FGF2: variants seen among roughly 807,000 people sequenced by gnomAD.
The protein encoded by FGF2 is fibroblast growth factor 2, also known as basic fibroblast growth factor bFGF.
Under a neutral mutation model 15.9 loss-of-function variants are expected in FGF2, and 13 were observed. The observed-to-expected ratio is 0.82, with a 90% CI of 0.53 to 1.30. The LOEUF (loss-of-function observed/expected upper bound fraction) is 1.30. Ranked by LOEUF, FGF2 falls within the 50% of genes most tolerant of loss-of-function variation. The pLI is 0.00. For synonymous variants in FGF2, 90 were observed against 78.4 expected (o/e 1.15, Z -0.78); for missense variants, 163 against 196.9 (o/e 0.83, Z 1.03).
At chr4:122,832,203 G>C (rs1372279789) in intron 1 of FGF2, among the ~76,000 whole-genome samples, 1 of 152,182 alleles carries the variant, frequency 6.6e-6, no homozygotes, top group Non-Finnish European at 1.5e-5. Flanking sequence ...TGGGATAAAA[G>C]TCTATGACCA....
intron 1 of FGF2, among the ~76,000 whole-genome samples, chr4:122,875,988 G>T (rs1726837721): frequency 6.6e-6 from 1 of 152,158 alleles, no homozygotes; most frequent in Admixed American, 6.5e-5. Context: ...GTTAACAGGG[G>T]CGATTGAAAG....
In FGF2 at chr4:122,891,021, C is replaced by CTTTTTTTTTT. The variant is rs769084285; in HGVS notation, c.283-1185_283-1176dup. Among the ~76,000 whole-genome samples the CTTTTTTTTTT allele has an allele frequency of 7.5e-3, 704 of 94,464 alleles. 1 individual carries two copies. The highest frequency in any genetic ancestry group is 0.021 in the East Asian group (46 of 2,232). The allele number at this position is 94,464 out of a possible 152,430, so 62.0% of individuals were successfully genotyped here. A position where few individuals can be genotyped will look rare whatever the true frequency, so the allele number is the denominator to read the frequency against. On this transcript the variant is annotated intron_variant, in intron 2 of 2. Coordinates refer to ENST00000644866, the MANE Select transcript of FGF2 (RefSeq NM_001361665.2). ...TGAAGTTGCTTTTTGAACAATTTAT[C>CTTTTTTTTTT]TTTTTTTTTTTTTTGTTTTGTTTTG...
intron 2 of FGF2, chr4:122,882,294 AAAGT>A (rs1359825176): frequency 6.6e-6 from 1 of 152,224 alleles, no homozygotes; most frequent in African/African-American, 2.4e-5. Context: ...ATTGTTGTTA[AAAGT>A]GATGAAAACA....
At chr4:122,879,043 G>T (rs1273221570) in intron 2 of FGF2, among the ~76,000 whole-genome samples, 1 of 152,202 alleles carries the variant, frequency 6.6e-6, no homozygotes. Context: ...AGATAGATTT[G>T]GGTATGATCA....
At chr4:122,871,233 T>A (rs542792192) in intron 1 of FGF2, among the ~76,000 whole-genome samples, 1 of 152,324 alleles carries the variant, frequency 6.6e-6, no homozygotes, top group East Asian at 1.9e-4. Context: ...AGTGTTTTAC[T>A]TCCAAATACG....
chr4:122,828,276 C>G (rs1198225840), intron 1 of FGF2, among the ~76,000 whole-genome samples: 1 of 152,110 alleles, frequency 6.6e-6, no homozygotes, highest in Admixed American at 6.5e-5. Context: ...CTGATCACAT[C>G]ACACTTTGAG....
intron 2 of FGF2, chr4:122,884,548 A>G (rs1360235553): frequency 6.6e-6 from 1 of 152,208 alleles, no homozygotes; most frequent in Non-Finnish European, 1.5e-5. Context: ...CACTATTTGG[A>G]TGTTTCTTTT....
At chr4:122,843,503 C>T (rs531248823) in intron 1 of FGF2, among the ~76,000 whole-genome samples, 3 of 152,100 alleles carry the variant, frequency 2.0e-5, no homozygotes, top group South Asian at 2.1e-4. Context: ...ATCACTCTGG[C>T]GGGTGTGTGT....
At chr4:122,838,279 T>G (rs1290181177) in intron 1 of FGF2, among the ~76,000 whole-genome samples, 1 of 152,220 alleles carries the variant, frequency 6.6e-6, no homozygotes, top group Non-Finnish European at 1.5e-5. Context: ...CCCTTTGCTC[T>G]GTGGTAGAGG....
At chr4:122,851,173 G>A (rs1458195301) in intron 1 of FGF2, among the ~76,000 whole-genome samples, 1 of 152,158 alleles carries the variant, frequency 6.6e-6, no homozygotes, top group Non-Finnish European at 1.5e-5. Flanking sequence ...CTTCAAAGGG[G>A]CAGTGTGGTT....
At chr4:122,853,371 A>T (rs1726274467) in intron 1 of FGF2, among the ~76,000 whole-genome samples, 1 of 152,210 alleles carries the variant, frequency 6.6e-6, no homozygotes, top group Non-Finnish European at 1.5e-5. Context: ...CCAGAATCAG[A>T]GTGTGATGAG....
chr4:122,828,719 T>C (rs1725700540), intron 1 of FGF2, among the ~76,000 whole-genome samples: 1 of 152,258 alleles, frequency 6.6e-6, no homozygotes, highest in Non-Finnish European at 1.5e-5. Context: ...ATTTAATTTT[T>C]TTCAGGCTTG....
chr4:122,831,829 T>A (rs1578447583), intron 1 of FGF2, among the ~76,000 whole-genome samples: 1 of 152,240 alleles, frequency 6.6e-6, no homozygotes, highest in African/African-American at 2.4e-5. Flanking sequence ...TTAAGTATTC[T>A]CATTTTGATT....
chr4:122,897,434 A>C lies in FGF2; in HGVS notation c.*5038A>C. Reference sequence around the variant, plus strand: ...GTTCCTAATGATATTATTTCTACTAATGGAATAAACTGTAATATTAGAAAT... The same window carrying C: ...GTTCCTAATGATATTATTTCTACTACTGGAATAAACTGTAATATTAGAAAT... On this transcript the variant is annotated 3_prime_UTR_variant, in exon 3 of 3. Transcript: ENST00000644866. The C allele has an allele frequency of 1.7e-6, 1 of 603,516 alleles. No homozygotes were observed. Among genetic ancestry groups the C allele is most frequent in the South Asian group, 2.0e-5 (1 of 48,930 alleles). 37.4% of individuals were successfully genotyped at this position (603,516 alleles called of 1,614,324 possible). A position where few individuals can be genotyped will look rare whatever the true frequency, so the allele number is the denominator to read the frequency against.
intron 1 of FGF2, among the ~76,000 whole-genome samples, chr4:122,835,641 T>C (rs1424233123): frequency 6.6e-6 from 1 of 152,174 alleles, no homozygotes; most frequent in Non-Finnish European, 1.5e-5. Flanking sequence ...TGCCTTTCTC[T>C]ACTTCTTTCG....
chr4:122,890,837 T>A (rs1391379511), intron 2 of FGF2, among the ~76,000 whole-genome samples: 1 of 152,124 alleles, frequency 6.6e-6, no homozygotes, highest in Non-Finnish European at 1.5e-5. Flanking sequence ...CATCTTATAT[T>A]TATGTGTTTA....
intron 2 of FGF2, among the ~76,000 whole-genome samples, chr4:122,878,293 A>G (rs1344442907): frequency 1.3e-5 from 2 of 152,234 alleles, no homozygotes; most frequent in African/African-American, 4.8e-5. Flanking sequence ...GAGATGACCT[A>G]TAAGTAGAAT....
In FGF2 at chr4:122,895,036, C is replaced by G. The variant is rs1727307823; in HGVS notation, c.*2640C>G. The G allele has an allele frequency of 6.6e-6, 1 of 152,188 alleles. No homozygotes were observed. The highest frequency in any genetic ancestry group is 2.4e-5 in the African/African-American group (1 of 41,440). 9.4% of individuals were successfully genotyped at this position (152,188 alleles called of 1,614,324 possible). A position where few individuals can be genotyped will look rare whatever the true frequency, so the allele number is the denominator to read the frequency against. On this transcript the variant is annotated 3_prime_UTR_variant, in exon 3 of 3. Coordinates refer to ENST00000644866, the MANE Select transcript of FGF2 (RefSeq NM_001361665.2). ...CATAGCAGCTGACTGAAAATCAGCA[C>G]TGCCTGAGTAGTTTTGATCAGTTTA...
chr4:122,840,947 A>G, intron 1 of FGF2, among the ~76,000 whole-genome samples: 1 of 152,166 alleles, frequency 6.6e-6, no homozygotes, highest in East Asian at 1.9e-4. Context: ...GGTAAGTAGT[A>G]AGCTTGATAC....
Sources: gnomAD v4.1 joint callset for allele counts (sites outside exome capture counted in the v4.1 genomes callset) on GRCh38, gnomAD v4.1.1 for gene constraint, MANE v1.5 for transcripts, NCBI Gene and HGNC (gene_info 2026-07-23, HGNC 2026-07-21) for gene names.